Variants in GMDS observed in about 807,000 individuals in gnomAD.
GMDS encodes the protein GDP-mannose 4,6 dehydratase.
Under a neutral mutation model 49.9 loss-of-function variants are expected in GMDS, and 20 were observed. The ratio of observed to expected loss-of-function variants is 0.40; its 90% CI spans 0.28 to 0.58. GMDS has a LOEUF of 0.58. Ranked by LOEUF, GMDS falls within the 20% of genes least tolerant of loss-of-function variation. The pLI, the probability that GMDS is intolerant of heterozygous loss-of-function variation, is 0.42. For missense variants in GMDS, 362 were observed against 481.4 expected, an observed-to-expected ratio of 0.75 and a Z score of 2.32; for synonymous variants, 177 against 178.6, an observed-to-expected ratio of 0.99 and a Z score of 0.07.
At chr6:1,793,972 A>G (rs1769642931) in intron 7 of GMDS, among the ~76,000 whole-genome samples, 1 of 152,238 alleles carries the variant, frequency 6.6e-6, no homozygotes, top group Admixed American at 6.5e-5. Context: ...AGGGCTTTAC[A>G]CACTTACGTG....
chr6:2,122,888 T>C (rs1248036171), intron 2 of GMDS, among the ~76,000 whole-genome samples: 1 of 152,242 alleles, frequency 6.6e-6, no homozygotes, highest in African/African-American at 2.4e-5. Flanking sequence ...TCTCAAACAT[T>C]GTTTCAATGA....
At chr6:1,652,370 T>TAAA (rs200271939) in intron 9 of GMDS, among the ~76,000 whole-genome samples, 3 of 12,014 alleles carry the variant, frequency 2.5e-4, no homozygotes, top group African/African-American at 1.0e-3. Context: ...GAAACTCCGC[T>TAAA]AAAAAAAAAA....
At chr6:2,152,223 T>C (rs1776878456) in intron 1 of GMDS, among the ~76,000 whole-genome samples, 2 of 152,176 alleles carry the variant, frequency 1.3e-5, no homozygotes, top group Admixed American at 1.3e-4. Context: ...ACTACCTTTC[T>C]GAAAGGCTCT....
At chr6:2,067,182 T>G (rs1480243482) in intron 4 of GMDS, among the ~76,000 whole-genome samples, 1 of 151,540 alleles carries the variant, frequency 6.6e-6, no homozygotes, top group Non-Finnish European at 1.5e-5. Flanking sequence ...CATAACGAAA[T>G]GAAGGCAGAA....
intron 4 of GMDS, among the ~76,000 whole-genome samples, chr6:2,083,315 A>G (rs1049410831): frequency 2.6e-5 from 4 of 152,162 alleles, no homozygotes; most frequent in Non-Finnish European, 4.4e-5. Context: ...CCATCCAACA[A>G]CAGCAAATCT....
chr6:1,986,012 C>A (rs539862393), intron 4 of GMDS, among the ~76,000 whole-genome samples: 2 of 152,288 alleles, frequency 1.3e-5, no homozygotes, highest in African/African-American at 4.8e-5. Context: ...TAGCTTGGTA[C>A]ACTGGCATAT....
chr6:1,638,605 C>T (rs1763236591), intron 9 of GMDS, among the ~76,000 whole-genome samples: 1 of 149,906 alleles, frequency 6.7e-6, no homozygotes. Context: ...GAAGTATTGC[C>T]TTTGAGGATG....
intron 4 of GMDS, among the ~76,000 whole-genome samples, chr6:2,099,309 T>A (rs1773791697): frequency 6.6e-6 from 1 of 152,164 alleles, no homozygotes; most frequent in Non-Finnish European, 1.5e-5. Flanking sequence ...AAGTACAGTA[T>A]TAAGAAGCTT....
rs1561757654 is a variant in GMDS, at chr6:1,723,323, TATGG to T, written c.987+3089_987+3092del. Among the ~76,000 whole-genome samples, 8 of 135,402 alleles carry T rather than the reference TATGG, an allele frequency of 5.9e-5. No individual in the cohort carries two copies. The East Asian group carries it at 2.0e-3, about 34-fold the overall frequency. 88.8% of individuals were successfully genotyped at this position (135,402 alleles called of 152,430 possible). A position where few individuals can be genotyped will look rare whatever the true frequency, so the allele number is the denominator to read the frequency against. Reference sequence around the variant, plus strand: ...TATTTTTTTTTTTTCAAATTTTCTTTATGGCATTTTTTTTTTTTTTTTAGACGGA... The same window carrying T: ...TATTTTTTTTTTTTCAAATTTTCTTTCATTTTTTTTTTTTTTTTAGACGGA... On this transcript the variant is annotated intron_variant, in intron 9 of 10. Coordinates refer to ENST00000380815, the MANE Select transcript of GMDS (RefSeq NM_001500.4).
intron 1 of GMDS, among the ~76,000 whole-genome samples, chr6:2,244,301 T>C (rs1372018834): frequency 6.6e-6 from 1 of 152,130 alleles, no homozygotes; most frequent in African/African-American, 2.4e-5. Context: ...ATAATAAAAG[T>C]ACCTCCTCAA....
At chr6:2,190,459 C>G (rs1402393902) in intron 1 of GMDS, among the ~76,000 whole-genome samples, 1 of 152,228 alleles carries the variant, frequency 6.6e-6, no homozygotes, top group Non-Finnish European at 1.5e-5. Flanking sequence ...CACCAAGGCT[C>G]AGACAAGTCA....
rs962627041 is a variant in GMDS at position 1,877,819 on chromosome 6, C to T, written c.771+52284G>A. ...GGGGGTCAGTGGAATTTCACATTTT[C>T]TGAGAGATGCTTCATTTGGAAAGTA... On this transcript the variant is annotated intron_variant, in intron 7 of 10. Transcript: ENST00000380815. Among the ~76,000 whole-genome samples the T allele has an allele frequency of 1.4e-4, 22 of 152,084 alleles. 1 individual carries two copies. The highest frequency in any genetic ancestry group is 1.4e-3 in the Admixed American group (22 of 15,266).
chr6:2,004,508 G>A (rs185104383), intron 4 of GMDS, among the ~76,000 whole-genome samples: 1 of 152,186 alleles, frequency 6.6e-6, no homozygotes, highest in Admixed American at 6.5e-5. Context: ...CTCCTCTTAA[G>A]TCCTTCCAGA....
intron 7 of GMDS, among the ~76,000 whole-genome samples, chr6:1,780,694 A>G (rs1447074643): frequency 6.6e-6 from 1 of 152,052 alleles, no homozygotes; most frequent in Non-Finnish European, 1.5e-5. Flanking sequence ...CAGCATCAAC[A>G]CGCAACGGCT....
chr6:1,689,944 T>G (rs532639219), intron 9 of GMDS, among the ~76,000 whole-genome samples: 2 of 152,078 alleles, frequency 1.3e-5, no homozygotes, highest in African/African-American at 4.8e-5. Context: ...ATTAATAAGA[T>G]TGCTTTTATT....
At chr6:1,671,488 T>G (rs1764421372) in intron 9 of GMDS, among the ~76,000 whole-genome samples, 1 of 152,124 alleles carries the variant, frequency 6.6e-6, no homozygotes, top group Non-Finnish European at 1.5e-5. Context: ...ATTATTATTT[T>G]CTGGGTTTAC....
At chr6:2,113,379 A>G (rs2127497387) in intron 4 of GMDS, among the ~76,000 whole-genome samples, 1 of 152,106 alleles carries the variant, frequency 6.6e-6, no homozygotes, top group East Asian at 1.9e-4. Flanking sequence ...TCTAGAAGTC[A>G]TCACTGAATA....
At chr6:1,911,394 T>C (rs1424475710) in intron 7 of GMDS, among the ~76,000 whole-genome samples, 1 of 152,174 alleles carries the variant, frequency 6.6e-6, no homozygotes, top group African/African-American at 2.4e-5. Flanking sequence ...TGGGGAATGT[T>C]TCCCATCCCA....
chr6:1,802,098 A>C (rs1232760636), intron 7 of GMDS, among the ~76,000 whole-genome samples: 4 of 152,272 alleles, frequency 2.6e-5, no homozygotes, highest in Non-Finnish European at 5.9e-5. Flanking sequence ...ACGGAGATGC[A>C]GTACCACCTA....
Sources: gnomAD v4.1 joint callset for allele counts (sites outside exome capture counted in the v4.1 genomes callset) on GRCh38, gnomAD v4.1.1 for gene constraint, MANE v1.5 for transcripts, NCBI Gene and HGNC (gene_info 2026-07-23, HGNC 2026-07-21) for gene names.